Variants in SLC25A48 observed in about 807,000 individuals in gnomAD.
The protein encoded by SLC25A48 is solute carrier family 25 member 48.
A neutral mutation model predicts 32.2 loss-of-function variants in SLC25A48; 29 were observed. The observed-to-expected ratio is 0.90, with a 90% CI of 0.67 to 1.23. The LOEUF (loss-of-function observed/expected upper bound fraction) is 1.23. SLC25A48 is among the 50% of genes most tolerant of loss of function. The probability of loss-of-function intolerance (pLI) is 0.00; values close to 1 mark genes in which losing one functional copy is unlikely to be tolerated. For missense variants in SLC25A48, 399 were observed against 422.7 expected (o/e 0.94, Z 0.49); for synonymous variants, 164 against 172.3 (o/e 0.95, Z 0.38).
chr5:135,838,587 G>T (rs746471653), intron 1 of SLC25A48, among the ~76,000 whole-genome samples: 4 of 152,206 alleles, frequency 2.6e-5, no homozygotes, highest in Non-Finnish European at 5.9e-5. Flanking sequence ...CCTGGGCTGG[G>T]CCCAGGGACC....
intron 3 of SLC25A48, among the ~76,000 whole-genome samples, chr5:135,801,574 T>G (rs567834327): frequency 6.6e-6 from 1 of 151,514 alleles, no homozygotes; most frequent in South Asian, 2.1e-4. Context: ...AGGGATGATA[T>G]TACCTCCAAT....
At chr5:135,815,480 A>G (rs1421468691) in intron 4 of SLC25A48, among the ~76,000 whole-genome samples, 1 of 152,060 alleles carries the variant, frequency 6.6e-6, no homozygotes, top group African/African-American at 2.4e-5. Context: ...GGGGTTGGGG[A>G]CCCCTGCTAT....
intron 6 of SLC25A48, among the ~76,000 whole-genome samples, chr5:135,877,265 A>C (rs902392323): frequency 6.6e-6 from 1 of 152,154 alleles, no homozygotes; most frequent in Non-Finnish European, 1.5e-5. Context: ...GAGAGTTGCC[A>C]TCTGAAATAA....
chr5:135,589,533 A>G lies in SLC25A48; in HGVS notation c.-849+9936A>G, dbSNP rs187182651. Among the ~76,000 whole-genome samples, 42 of 152,334 alleles carry G rather than the reference A, an allele frequency of 2.8e-4. No individual in the cohort carries two copies. The South Asian group carries it at 6.4e-3, about 23-fold the overall frequency. On this transcript the variant is annotated intron_variant, in intron 1 of 10. Transcript: ENST00000646290. ...TTGTCAAAGTTAGTTTCTAGTAACT[A>G]TTGGTAACATTTACGGGCCTCTGTG...
chr5:135,822,919 TG>T (rs1757929554), intron 4 of SLC25A48, among the ~76,000 whole-genome samples: 1 of 151,384 alleles, frequency 6.6e-6, no homozygotes, highest in South Asian at 2.1e-4. Context: ...TGTCTGGGAG[TG>T]GTAGAAACTC....
intron 7 of SLC25A48, among the ~76,000 whole-genome samples, chr5:135,886,665 TGTGTGTGTGAGAGAGAGA>T (rs1561567891): frequency 2.9e-5 from 3 of 102,514 alleles, no homozygotes; most frequent in African/African-American, 1.4e-4. Flanking sequence ...TGTGTGTGTG[TGTGTGTGTGAGAGAGAGA>T]GAGAGAGAGA....
At chr5:135,881,551 A>T (rs1485636278) in intron 7 of SLC25A48, among the ~76,000 whole-genome samples, 1 of 152,232 alleles carries the variant, frequency 6.6e-6, no homozygotes, top group Non-Finnish European at 1.5e-5. Flanking sequence ...CAGTTTACAT[A>T]ATTAAACATC....
intron 1 of SLC25A48, among the ~76,000 whole-genome samples, chr5:135,602,817 A>G (rs771468423): frequency 1.3e-5 from 2 of 151,822 alleles, no homozygotes; most frequent in African/African-American, 4.8e-5. Flanking sequence ...CCTGTGTCCA[A>G]GCGTTCTCAT....
At chr5:135,884,128 TG>T (rs1324831305) in intron 7 of SLC25A48, among the ~76,000 whole-genome samples, 1 of 152,212 alleles carries the variant, frequency 6.6e-6, no homozygotes, top group African/African-American at 2.4e-5. Context: ...TCCTCAAATT[TG>T]TTCTTTTTTC....
At chr5:135,667,418 A>G (rs1753549733) in intron 3 of SLC25A48, among the ~76,000 whole-genome samples, 1 of 152,150 alleles carries the variant, frequency 6.6e-6, no homozygotes, top group Non-Finnish European at 1.5e-5. Context: ...AAACAAATGA[A>G]TTTCACCAGT....
At chr5:135,632,263 A>T (rs1266965076) in intron 2 of SLC25A48, among the ~76,000 whole-genome samples, 1 of 152,188 alleles carries the variant, frequency 6.6e-6, no homozygotes. Context: ...GCGGCAAGGA[A>T]GTTTGCTGTC....
intron 3 of SLC25A48, among the ~76,000 whole-genome samples, chr5:135,748,563 C>T (rs571931901): frequency 3.9e-5 from 6 of 151,904 alleles, no homozygotes; most frequent in Non-Finnish European, 5.9e-5. Context: ...CATGAGCCAC[C>T]GTGCCCTGCT....
intron 4 of SLC25A48, among the ~76,000 whole-genome samples, chr5:135,853,667 T>G (rs2126743792): frequency 6.6e-6 from 1 of 152,276 alleles, no homozygotes; most frequent in Admixed American, 6.5e-5. Flanking sequence ...AGTTCCTTCC[T>G]CCATGGAAGC....
intron 3 of SLC25A48, among the ~76,000 whole-genome samples, chr5:135,672,101 A>G (rs572152897): frequency 6.6e-6 from 1 of 152,338 alleles, no homozygotes; most frequent in South Asian, 2.1e-4. Flanking sequence ...CTATTAATAC[A>G]GAAGAACAAT....
chr5:135,777,373 G>A (rs1005620259), intron 3 of SLC25A48, among the ~76,000 whole-genome samples: 1 of 151,626 alleles, frequency 6.6e-6, no homozygotes, highest in African/African-American at 2.4e-5. Context: ...CAATATTGTA[G>A]GGGGAGTACA....
At chr5:135,883,450 C>T (rs773433726) in intron 7 of SLC25A48, 31 of 985,362 alleles carry the variant, frequency 3.1e-5, no homozygotes, top group Admixed American at 3.1e-4. Flanking sequence ...TTAAAAACCT[C>T]TTCACATTGT....
intron 3 of SLC25A48, among the ~76,000 whole-genome samples, chr5:135,656,327 C>T (rs1289888948): frequency 6.6e-6 from 1 of 152,142 alleles, no homozygotes; most frequent in African/African-American, 2.4e-5. Flanking sequence ...GCTACTTGTC[C>T]AATCTGACAC....
At chr5:135,882,558 G>A (rs1209652612) in intron 7 of SLC25A48, among the ~76,000 whole-genome samples, 2 of 152,176 alleles carry the variant, frequency 1.3e-5, no homozygotes, top group African/African-American at 4.8e-5. Context: ...GCAGGGGATA[G>A]ATCACCCAGC....
chr5:135,814,647 A>G (rs1757672279), intron 4 of SLC25A48, among the ~76,000 whole-genome samples: 1 of 152,240 alleles, frequency 6.6e-6, no homozygotes, highest in South Asian at 2.1e-4. Flanking sequence ...ACCTGGGACC[A>G]GGCACCCAGA....
Sources: allele counts gnomAD v4.1 joint callset (sites outside exome capture counted in the v4.1 genomes callset), GRCh38; gene constraint gnomAD v4.1.1; transcripts MANE v1.5; gene names NCBI Gene and HGNC (gene_info 2026-07-23, HGNC 2026-07-21).